The following OSBPL10 variants were observed in gnomAD, a reference collection of about 807,000 sequenced individuals.
OSBPL10 encodes the protein oxysterol-binding protein-related protein 10.
In OSBPL10, 49 loss-of-function variants were observed where a neutral mutation model predicts 81.7. The observed-to-expected ratio is 0.60, with a 90% confidence interval of 0.48 to 0.76. OSBPL10 has a LOEUF of 0.76. OSBPL10 is among the 30% of genes least tolerant of loss of function. The pLI is 0.00. For missense variants in OSBPL10, 923 were observed against 987.8 expected (o/e 0.93, Z 0.88); for synonymous variants, 419 against 383.6 (o/e 1.09, Z -1.08).
chr3:31,693,904 A>C (rs1282593004), intron 7 of OSBPL10, among the ~76,000 whole-genome samples: 2 of 152,168 alleles, frequency 1.3e-5, no homozygotes, highest in Non-Finnish European at 2.9e-5. Context: ...AGTAGCTGGG[A>C]ACATAGGTGT....
At chr3:31,746,613 G>C (rs1188924653) in intron 5 of OSBPL10, among the ~76,000 whole-genome samples, 1 of 151,548 alleles carries the variant, frequency 6.6e-6, no homozygotes, top group Admixed American at 6.6e-5. Context: ...GGGAGGCAGA[G>C]GATGCAGTGA....
At chr3:31,751,384 T>C (rs1697715523) in intron 4 of OSBPL10, among the ~76,000 whole-genome samples, 2 of 40,372 alleles carry the variant, frequency 5.0e-5, no homozygotes, top group African/African-American at 2.5e-4. Context: ...ACAAATAAAA[T>C]AAAATAAAAT....
intron 1 of OSBPL10, among the ~76,000 whole-genome samples, chr3:31,903,689 C>G (rs2125680929): frequency 6.6e-6 from 1 of 152,202 alleles, no homozygotes; most frequent in East Asian, 1.9e-4. Context: ...CAGAGTCAAA[C>G]AGCCAATCAG....
At chr3:31,768,865 A>G (rs1355909790) in intron 4 of OSBPL10, among the ~76,000 whole-genome samples, 2 of 152,194 alleles carry the variant, frequency 1.3e-5, no homozygotes, top group Non-Finnish European at 2.9e-5. Context: ...CAGCATTCAC[A>G]TTGGGTAGGT....
intron 1 of OSBPL10, among the ~76,000 whole-genome samples, chr3:31,957,797 C>A (rs920649523): frequency 1.3e-5 from 2 of 152,114 alleles, no homozygotes; most frequent in Non-Finnish European, 2.9e-5. Context: ...CATGCCACCA[C>A]GCCTGACTAA....
intron 1 of OSBPL10, among the ~76,000 whole-genome samples, chr3:31,948,299 A>C (rs1697761755): frequency 1.3e-5 from 2 of 152,104 alleles, no homozygotes; most frequent in Non-Finnish European, 2.9e-5. Flanking sequence ...GAGTCTTTTC[A>C]TCTTTCCATC....
At chr3:31,831,275 A>G (rs1700233416) in intron 3 of OSBPL10, among the ~76,000 whole-genome samples, 1 of 152,088 alleles carries the variant, frequency 6.6e-6, no homozygotes, top group Admixed American at 6.5e-5. Context: ...GCATGGTGGC[A>G]CATGCCTGTA....
chr3:31,684,036 G>A lies in OSBPL10; in HGVS notation c.1324C>T (p.Leu442=), dbSNP rs1363890847. 1 of 1,614,260 alleles carries A rather than the reference G, an allele frequency of 6.2e-7. No homozygotes were observed. Among genetic ancestry groups the A allele is most frequent in the Non-Finnish European group, 8.5e-7 (1 of 1,180,046 alleles). Residue 442 remains leucine (L), a synonymous_variant, in exon 8 of 12, where the codon CTG becomes TTG. Transcript: ENST00000396556. ...GTGGCCCCAGCGGTGATGGCCAGCA[G>A]TAGGTCTGGGTGCGCCATGAAATCT... ...YADFMAHPDL[L]LAITAGATPE... is the part of the protein sequence containing the mutation.
chr3:31,791,574 A>G (rs756010113), intron 4 of OSBPL10, among the ~76,000 whole-genome samples: 11 of 152,212 alleles, frequency 7.2e-5, no homozygotes, highest in South Asian at 4.1e-4. Flanking sequence ...TCTTAAAACC[A>G]TAGCCCCAGT....
chr3:31,925,550 C>T (rs534966466), intron 1 of OSBPL10, among the ~76,000 whole-genome samples: 7 of 151,810 alleles, frequency 4.6e-5, no homozygotes, highest in East Asian at 1.9e-4. Flanking sequence ...CAGTGGCTCA[C>T]GCCTGTAATC....
chr3:31,733,199 T>A, intron 6 of OSBPL10, 58 bp downstream of exon 6: 1 of 1,574,348 alleles, frequency 6.4e-7, no homozygotes, highest in Non-Finnish European at 8.6e-7. Flanking sequence ...ATAATTACTA[T>A]ATTTCTGAAC....
rs746823677 is a variant in OSBPL10, at chr3:31,802,549, C to CAAAA, written c.729+27487_729+27490dup. On this transcript the variant is annotated intron_variant, in intron 4 of 11. Coordinates refer to ENST00000396556, the MANE Select transcript of OSBPL10 (RefSeq NM_017784.5). ...CGCCACTGCACTCTAGCCTGGGTAT[C>CAAAA]AAAAAAAAAAAAAAAAAAAAAAGAG... 7.2e-4 allele frequency among the ~76,000 whole-genome samples: 68 copies of CAAAA among 94,962 alleles called. 1 individual carries two copies. The highest frequency in any genetic ancestry group is 2.4e-3 in the African/African-American group (58 of 24,166). The allele number at this position is 94,962 out of a possible 152,430, so 62.3% of individuals were successfully genotyped here. A position where few individuals can be genotyped will look rare whatever the true frequency, so the allele number is the denominator to read the frequency against.
chr3:31,801,833 T>A (rs1699388973), intron 4 of OSBPL10, among the ~76,000 whole-genome samples: 1 of 152,012 alleles, frequency 6.6e-6, no homozygotes, highest in Non-Finnish European at 1.5e-5. Context: ...TTGTTGTTTT[T>A]TTTTTTAAGA....
At chr3:31,980,747 C>A in intron 1 of OSBPL10, 152 bp downstream of exon 1, 1 of 1,050,704 alleles carries the variant, frequency 9.5e-7, no homozygotes, top group Non-Finnish European at 1.3e-6. Flanking sequence ...GGAGCAGGGA[C>A]GCAGGAAGGG....
chr3:31,919,928 C>T (rs1041162613), intron 1 of OSBPL10, among the ~76,000 whole-genome samples: 1 of 152,146 alleles, frequency 6.6e-6, no homozygotes, highest in Non-Finnish European at 1.5e-5. Flanking sequence ...TAAGATAATG[C>T]ATTTTAGCTT....
At chr3:31,760,747 T>C (rs1250400772) in intron 4 of OSBPL10, among the ~76,000 whole-genome samples, 1 of 152,224 alleles carries the variant, frequency 6.6e-6, no homozygotes, top group Non-Finnish European at 1.5e-5. Context: ...TAATTCAACA[T>C]ACCATGTCAA....
At chr3:31,994,973 G>A (rs755891609) in intron 2 of OSBPL10, among the ~76,000 whole-genome samples, 7 of 152,150 alleles carry the variant, frequency 4.6e-5, no homozygotes, top group South Asian at 4.1e-4. Context: ...CACCTGAGCC[G>A]CAAAACCAGT....
intron 3 of OSBPL10, among the ~76,000 whole-genome samples, chr3:31,856,494 T>A (rs932985013): frequency 1.1e-4 from 16 of 152,184 alleles, no homozygotes; most frequent in Non-Finnish European, 1.6e-4. Context: ...GAGTCAATCC[T>A]TAGATGAGCT....
intron 1 of OSBPL10, among the ~76,000 whole-genome samples, chr3:31,915,936 A>T (rs1696745702): frequency 6.6e-6 from 1 of 151,714 alleles, no homozygotes; most frequent in African/African-American, 2.4e-5. Flanking sequence ...TCTACTAAAA[A>T]ATATAAAAAA....
Sources: allele counts gnomAD v4.1 joint callset (sites outside exome capture counted in the v4.1 genomes callset), GRCh38; gene constraint gnomAD v4.1.1; transcripts MANE v1.5; gene names NCBI Gene and HGNC (gene_info 2026-07-23, HGNC 2026-07-21).